RAPGEF4: variants seen among roughly 807,000 people sequenced by gnomAD.
RAPGEF4 encodes Rap guanine nucleotide exchange factor 4.
In RAPGEF4, 66 loss-of-function variants were observed where a neutral mutation model predicts 147.9. The ratio of observed to expected loss-of-function variants is 0.45; its 90% CI spans 0.37 to 0.55. The LOEUF is 0.55. Among genes scored for constraint, RAPGEF4 ranks in the 20% least tolerant of loss-of-function variants. The probability of loss-of-function intolerance (pLI) is 0.00; values close to 1 mark genes in which losing one functional copy is unlikely to be tolerated. For missense variants in RAPGEF4, 1,071 were observed against 1,257.3 expected, an observed-to-expected ratio of 0.85 and a Z score of 2.24; for synonymous variants, 419 against 442.7, an observed-to-expected ratio of 0.95 and a Z score of 0.67.
At chr2:172,923,089 C>T (rs1218773892) in intron 6 of RAPGEF4, among the ~76,000 whole-genome samples, 1 of 152,194 alleles carries the variant, frequency 6.6e-6, no homozygotes, top group Non-Finnish European at 1.5e-5. Flanking sequence ...CTTTCGGTCC[C>T]ATGTCTGTGG....
intron 6 of RAPGEF4, among the ~76,000 whole-genome samples, chr2:172,949,551 G>A (rs1008347033): frequency 1.3e-5 from 2 of 152,154 alleles, no homozygotes; most frequent in African/African-American, 4.8e-5. Flanking sequence ...AAAGACCAAG[G>A]ATGAGAAAAG....
chr2:173,019,440 A>G (rs1309146286), intron 22 of RAPGEF4, among the ~76,000 whole-genome samples: 1 of 152,214 alleles, frequency 6.6e-6, no homozygotes. Context: ...CAGGCCAGGG[A>G]GGAGGTAGAC....
intron 25 of RAPGEF4, among the ~76,000 whole-genome samples, chr2:173,029,592 T>A (rs147609267): frequency 8.8e-4 from 134 of 152,376 alleles, no homozygotes; most frequent in Admixed American, 1.8e-3. Context: ...GGTTATTTCT[T>A]GGTCAGTTGT....
At chr2:172,903,516 C>T (rs62174624) in intron 4 of RAPGEF4, among the ~76,000 whole-genome samples, 30,398 of 148,144 alleles carry the variant, frequency 0.21, 3,748 homozygotes, top group Middle Eastern at 0.3. Flanking sequence ...CCAGCCTGGG[C>T]GACAAGAGTG....
intron 4 of RAPGEF4, among the ~76,000 whole-genome samples, chr2:172,910,559 G>T (rs1268420987): frequency 6.6e-6 from 1 of 152,236 alleles, no homozygotes; most frequent in Non-Finnish European, 1.5e-5. Flanking sequence ...ACAAAGGGAT[G>T]CCTTGCCCGT....
At chr2:173,020,503 G>C (rs1173392302) in intron 22 of RAPGEF4, 115 bp from the exon 23 acceptor site, 1 of 846,018 alleles carries the variant, frequency 1.2e-6, no homozygotes, top group African/African-American at 1.7e-5. Flanking sequence ...ATTTTATGCA[G>C]TCACTCTGCG....
intron 1 of RAPGEF4, among the ~76,000 whole-genome samples, chr2:172,784,497 A>G (rs1187909127): frequency 1.3e-5 from 2 of 151,090 alleles, no homozygotes; most frequent in East Asian, 1.9e-4. Context: ...CAGCCTGGGC[A>G]ACAGAGCGAA....
intron 4 of RAPGEF4, among the ~76,000 whole-genome samples, chr2:172,895,749 T>C (rs568935812): frequency 4.6e-5 from 7 of 152,044 alleles, no homozygotes; most frequent in Non-Finnish European, 8.8e-5. Context: ...GAAAAAGGAA[T>C]TGGGAGAGGA....
At chr2:172,956,193 C>G (rs1275534973) in intron 6 of RAPGEF4, among the ~76,000 whole-genome samples, 1 of 152,068 alleles carries the variant, frequency 6.6e-6, no homozygotes, top group Non-Finnish European at 1.5e-5. Context: ...CTGGCTCAGG[C>G]CCTGGTCATG....
chr2:172,969,911 A>G (rs2592945), intron 10 of RAPGEF4, among the ~76,000 whole-genome samples: 5,931 of 152,166 alleles, frequency 0.039, 395 homozygotes, highest in African/African-American at 0.14. Flanking sequence ...TTACATTCCA[A>G]AACTGACACT....
intron 4 of RAPGEF4, among the ~76,000 whole-genome samples, chr2:172,817,777 T>C (rs2149614387): frequency 6.6e-6 from 1 of 151,784 alleles, no homozygotes; most frequent in East Asian, 1.9e-4. Flanking sequence ...ACAAAAAAGA[T>C]ACTTGCACAT....
At chr2:172,805,974 T>G (rs2149580461) in intron 3 of RAPGEF4, among the ~76,000 whole-genome samples, 1 of 151,610 alleles carries the variant, frequency 6.6e-6, no homozygotes, top group Non-Finnish European at 1.5e-5. Flanking sequence ...TTAAAAACAA[T>G]AAATAGGATT....
rs150366843 is a variant in RAPGEF4 at position 172,881,391 on chromosome 2, G to A, written c.445-36411G>A. 3.4e-3 allele frequency among the ~76,000 whole-genome samples: 525 copies of A among 152,248 alleles called. 3 individuals are homozygous for A. Among genetic ancestry groups the A allele is most frequent in the African/African-American group, 0.012 (493 of 41,550 alleles). On this transcript the variant is annotated intron_variant, in intron 4 of 30. Transcript: ENST00000397081. ...AATGCTTTTTATAATTTCCACATTG[G>A]TTGAATTCTTTCCTATTTAATGCCA... is the stretch of plus-strand genomic sequence containing the variant.
At chr2:173,010,683 A>G (rs886494191) in intron 17 of RAPGEF4, among the ~76,000 whole-genome samples, 1 of 152,232 alleles carries the variant, frequency 6.6e-6, no homozygotes, top group African/African-American at 2.4e-5. Context: ...TAAAAATTAC[A>G]AACTTTCTAA....
Position 172,922,313 on chromosome 2 carries a change from T to A in RAPGEF4, c.537+13T>A. 1 of 1,600,396 alleles carries A rather than the reference T, an allele frequency of 6.2e-7. No homozygotes were observed. The highest frequency in any genetic ancestry group is 2.2e-5 in the East Asian group (1 of 44,814). On this transcript the variant is annotated intron_variant, in intron 6 of 30. Transcript: ENST00000397081. The stretch of plus-strand genomic sequence containing the variant: ...TGACAAGGAGAACGTGAGTAGCTAC[T>A]CTCTCTGCCTATCTTCTAAAAATTG...
At chr2:172,805,187 G>C (rs959538761) in intron 3 of RAPGEF4, among the ~76,000 whole-genome samples, 4 of 152,114 alleles carry the variant, frequency 2.6e-5, no homozygotes, top group Admixed American at 6.5e-5. Context: ...CTAATTCAAG[G>C]CTTCAAGAGA....
chr2:172,887,905 T>C (rs7608306), intron 4 of RAPGEF4, among the ~76,000 whole-genome samples: 1,782 of 152,286 alleles, frequency 0.012, 51 homozygotes, highest in African/African-American at 0.041. Context: ...CAAAATGTAT[T>C]TTTTCCTCTT....
rs1686286479 is a variant in RAPGEF4 at position 173,051,917 on chromosome 2, A to T, written c.*150A>T. On this transcript the variant is annotated 3_prime_UTR_variant, in exon 31 of 31. Coordinates refer to ENST00000397081, the MANE Select transcript of RAPGEF4 (RefSeq NM_007023.4). ...GACACCTCAGGGCTGCATTCAGCTT[A>T]CCAGCTACCTAGCAAGAGAAGGAAT... 6.3e-6 allele frequency: 5 copies of T among 796,826 alleles called. No individual in the cohort carries two copies. Among genetic ancestry groups the T allele is most frequent in the African/African-American group, 1.8e-5 (1 of 57,120 alleles). The allele number at this position is 796,826 out of a possible 1,614,324, so 49.4% of individuals were successfully genotyped here. A position where few individuals can be genotyped will look rare whatever the true frequency, so the allele number is the denominator to read the frequency against.
chr2:172,867,416 TGAGATACAAA>T (rs1302192606), intron 4 of RAPGEF4, among the ~76,000 whole-genome samples: 2 of 152,206 alleles, frequency 1.3e-5, no homozygotes, highest in Non-Finnish European at 2.9e-5. Flanking sequence ...ATAGGGTCAA[TGAGATACAAA>T]CTTTTAAATA....
Sources: allele counts gnomAD v4.1 joint callset (sites outside exome capture counted in the v4.1 genomes callset), GRCh38; gene constraint gnomAD v4.1.1; transcripts MANE v1.5; gene names NCBI Gene and HGNC (gene_info 2026-07-23, HGNC 2026-07-21).